Variants in WBP1L observed in about 807,000 individuals in gnomAD.
WBP1L encodes the protein WW domain binding protein 1-like.
In WBP1L, 17 loss-of-function variants were observed where a neutral mutation model predicts 33.7. The observed-to-expected ratio is 0.50, with a 90% CI of 0.34 to 0.76. WBP1L has a LOEUF of 0.76. WBP1L is among the 30% of genes least tolerant of loss of function. WBP1L has a pLI of 0.01. For synonymous variants in WBP1L, 173 were observed against 190.8 expected, an observed-to-expected ratio of 0.91 and a Z score of 0.77; for missense variants, 389 against 469.4, an observed-to-expected ratio of 0.83 and a Z score of 1.58.
At chr10:102,772,403 G>A (rs969937967) in intron 1 of WBP1L, among the ~76,000 whole-genome samples, 18 of 151,270 alleles carry the variant, frequency 1.2e-4, no homozygotes, top group African/African-American at 3.9e-4. Context: ...TGGGACTACA[G>A]GTATGTGTCA....
intron 1 of WBP1L, among the ~76,000 whole-genome samples, chr10:102,792,584 T>C (rs1463813696): frequency 2.1e-5 from 3 of 145,064 alleles, no homozygotes; most frequent in Admixed American, 7.4e-5. Context: ...TACTTTTTTT[T>C]TTCTTTTCTT....
At chr10:102,787,085 G>C (rs1417599206) in intron 1 of WBP1L, among the ~76,000 whole-genome samples, 1 of 152,164 alleles carries the variant, frequency 6.6e-6, no homozygotes, top group Non-Finnish European at 1.5e-5. Flanking sequence ...GAAAACTACT[G>C]AATTCAGCCA....
chr10:102,794,435 C>T lies in WBP1L; in HGVS notation c.91-3558C>T, dbSNP rs377432201. 1.3e-4 allele frequency among the ~76,000 whole-genome samples: 20 copies of T among 151,768 alleles called. No individual in the cohort carries two copies. The East Asian group carries it at 3.1e-3, about 24-fold the overall frequency. On this transcript the variant is annotated intron_variant, in intron 1 of 3. Coordinates refer to ENST00000448841, the MANE Select transcript of WBP1L (RefSeq NM_001083913.2). Reference sequence around the variant, plus strand: ...TGGAGGTTGCAGTGAGTCAAAATCACGCCACTGCATACCAGCTTGGGCAAC... The same window carrying T: ...TGGAGGTTGCAGTGAGTCAAAATCATGCCACTGCATACCAGCTTGGGCAAC...
At chr10:102,800,646 A>T (rs1316569507) in intron 2 of WBP1L, among the ~76,000 whole-genome samples, 2 of 152,156 alleles carry the variant, frequency 1.3e-5, no homozygotes, top group Non-Finnish European at 2.9e-5. Flanking sequence ...GGAGACATAA[A>T]AGCAAAACGC....
At chr10:102,788,171 C>T (rs1248965404) in intron 1 of WBP1L, among the ~76,000 whole-genome samples, 8 of 149,488 alleles carry the variant, frequency 5.4e-5, no homozygotes, top group Non-Finnish European at 8.9e-5. Context: ...CTCTGTCACC[C>T]AGGCTGGAGT....
At position 102,798,084 on chromosome 10, in the gene WBP1L, A is replaced by G. The variant is rs755418012; in HGVS notation, c.182A>G (p.Tyr61Cys). 4 of 1,613,914 alleles carry G rather than the reference A, an allele frequency of 2.5e-6. No homozygotes were observed. Among genetic ancestry groups the G allele is most frequent in the South Asian group, 1.1e-5 (1 of 91,086 alleles). The change falls in exon 2 of 4, where the codon TAT becomes TGT. Residue 61 changes from tyrosine (Y) to cysteine (C), a missense_variant. Physicochemically the swap from Tyr to Cys is radical, Grantham distance 194. Coordinates refer to ENST00000448841, the MANE Select transcript of WBP1L (RefSeq NM_001083913.2). ...CAGTCTCAGTGCTGCAACTACTACT[A>G]TGAACTCTGGTGTAAGTCCTTGCTT... ...CGQSQCCNYY[Y>C]ELWWFWLVWT...
chr10:102,790,333 T>C (rs1158281661), intron 1 of WBP1L, among the ~76,000 whole-genome samples: 42 of 152,166 alleles, frequency 2.8e-4, no homozygotes, highest in Admixed American at 2.8e-3. Flanking sequence ...TGTTCTTTTC[T>C]TGTGTTTTTA....
intron 1 of WBP1L, among the ~76,000 whole-genome samples, chr10:102,789,160 G>A (rs1031243965): frequency 4.6e-5 from 7 of 152,018 alleles, no homozygotes; most frequent in African/African-American, 7.2e-5. Context: ...ATGGGTTTTC[G>A]CCATGTTGGC....
At chr10:102,790,781 A>G (rs7392913) in intron 1 of WBP1L, among the ~76,000 whole-genome samples, 78,655 of 151,934 alleles carry the variant, frequency 0.52, 21,380 homozygotes, top group Middle Eastern at 0.63. Context: ...AAAGTCCTGG[A>G]ATTACAAGCG....
chr10:102,748,234 G>T (rs1590163479), intron 1 of WBP1L, among the ~76,000 whole-genome samples: 1 of 151,742 alleles, frequency 6.6e-6, no homozygotes, highest in East Asian at 1.9e-4. Flanking sequence ...CTCCAGCCTG[G>T]GCAACAGAGC....
chr10:102,801,279 C>T (rs1418885305), intron 2 of WBP1L, among the ~76,000 whole-genome samples: 4 of 152,174 alleles, frequency 2.6e-5, no homozygotes, highest in Non-Finnish European at 4.4e-5. Flanking sequence ...GGCACCTGTA[C>T]TTTAATTCAT....
At chr10:102,773,583 A>C (rs1443967878) in intron 1 of WBP1L, among the ~76,000 whole-genome samples, 1 of 152,112 alleles carries the variant, frequency 6.6e-6, no homozygotes, top group Non-Finnish European at 1.5e-5. Context: ...ATCATCACTG[A>C]TGAATATTAT....
At chr10:102,788,385 C>T (rs1843450844) in intron 1 of WBP1L, among the ~76,000 whole-genome samples, 1 of 152,020 alleles carries the variant, frequency 6.6e-6, no homozygotes, top group South Asian at 2.1e-4. Context: ...GCTGGGATTA[C>T]AGGCATGAGC....
intron 1 of WBP1L, among the ~76,000 whole-genome samples, chr10:102,767,540 A>G (rs554946428): frequency 4.6e-5 from 7 of 152,212 alleles, no homozygotes; most frequent in African/African-American, 1.2e-4. Flanking sequence ...CTCTCAAAAA[A>G]AATAAAAGAC....
intron 1 of WBP1L, among the ~76,000 whole-genome samples, chr10:102,773,037 T>C (rs1293994173): frequency 6.6e-6 from 1 of 152,000 alleles, no homozygotes; most frequent in Non-Finnish European, 1.5e-5. Context: ...TGGCTCATCA[T>C]GTATGAGGCT....
intron 1 of WBP1L, among the ~76,000 whole-genome samples, chr10:102,777,561 CTTTTTTTTTTTT>C (rs35713577): frequency 7.2e-5 from 4 of 55,570 alleles, no homozygotes; most frequent in Non-Finnish European, 1.3e-4. Context: ...AAAGGCTGTC[CTTTTTTTTTTTT>C]TTTTTTTTTT....
intron 1 of WBP1L, among the ~76,000 whole-genome samples, chr10:102,787,521 G>C (rs1386051316): frequency 2.0e-5 from 3 of 152,070 alleles, no homozygotes; most frequent in Non-Finnish European, 4.4e-5. Flanking sequence ...CTGGGAAGTT[G>C]AGGCTGCAGT....
At position 102,810,486 on chromosome 10, in the gene WBP1L, CTT is replaced by C. The variant is rs1420171069; in HGVS notation, c.355+433_355+434del. On this transcript the variant is annotated intron_variant, in intron 3 of 3. Transcript: ENST00000448841. ...CCTTCCTTCCTTCCCTCCTTCCTTC[CTT>C]CCCTCCTTCCTTCCTTCCTTCCTTC... Among the ~76,000 whole-genome samples the C allele has an allele frequency of 5.7e-3, 234 of 41,414 alleles. 4 individuals are homozygous for C. The highest frequency in any genetic ancestry group is 0.013 in the African/African-American group (212 of 16,704). 27.2% of individuals were successfully genotyped at this position (41,414 alleles called of 152,430 possible).
chr10:102,800,244 G>A (rs1462219631), intron 2 of WBP1L, among the ~76,000 whole-genome samples: 1 of 152,224 alleles, frequency 6.6e-6, no homozygotes, highest in Non-Finnish European at 1.5e-5. Context: ...AAAAGCCACA[G>A]AGCTGTAGTT....
Sources: allele counts gnomAD v4.1 joint callset (sites outside exome capture counted in the v4.1 genomes callset), GRCh38; gene constraint gnomAD v4.1.1; transcripts MANE v1.5; gene names NCBI Gene and HGNC (gene_info 2026-07-23, HGNC 2026-07-21).